Variants in MSANTD7 observed in about 807,000 individuals in gnomAD.
MSANTD7 encodes zinc finger and SCAN domain containing 29.
the MSANTD7 span, chr10:14,843,436 T>C: frequency 5.2e-6 from 8 of 1,550,688 alleles, no homozygotes; most frequent in East Asian, 1.7e-4. Context: ...AGTTGCTCCC[T>C]GTCAGAGCAG....
chr10:14,842,618 A>G, the MSANTD7 span: 12 of 1,536,056 alleles, frequency 7.8e-6, no homozygotes, highest in Non-Finnish European at 1.0e-5. This position sits in a 1 kb window ranked among gnomAD's most constrained non-coding sequence, Gnocchi z 5.2. Flanking sequence ...AGACAACTTA[A>G]TGGAGGATGC....
chr10:14,843,308 C>T, the MSANTD7 span: 12 of 1,540,012 alleles, frequency 7.8e-6, no homozygotes, highest in Non-Finnish European at 1.1e-5. Context: ...AGCTCTGCTG[C>T]TGGCTCCAAG....
chr10:14,845,299 A>C, the MSANTD7 span: 2 of 985,412 alleles, frequency 2.0e-6, no homozygotes, highest in Non-Finnish European at 2.4e-6. Context: ...AATAATCTAG[A>C]AGTTGGAAAA....
the MSANTD7 span, chr10:14,844,921 T>C: frequency 1.0e-6 from 1 of 985,332 alleles, no homozygotes; most frequent in Admixed American, 6.2e-5. Context: ...CCTAGAAACG[T>C]TTCCTTTTGA....
At chr10:14,845,576 C>CTTGCCCTT in the MSANTD7 span, 1 of 962,604 alleles carries the variant, frequency 1.0e-6, no homozygotes, top group Non-Finnish European at 1.2e-6. Context: ...AGACAAATCA[C>CTTGCCCTT]TTGCCCTTTT....
the MSANTD7 span, chr10:14,844,385 T>C: frequency 1.0e-6 from 1 of 998,102 alleles, no homozygotes; most frequent in Non-Finnish European, 1.2e-6. Flanking sequence ...TATGGATATA[T>C]ACTGTGACTT....
chr10:14,843,303 T>C, the MSANTD7 span: 6 of 1,537,856 alleles, frequency 3.9e-6, no homozygotes, highest in Non-Finnish European at 5.3e-6. Flanking sequence ...GTCTCAGCTC[T>C]GCTGCTGGCT....
chr10:14,842,955 T>C, the MSANTD7 span: 1 of 851,968 alleles, frequency 1.2e-6, no homozygotes, highest in South Asian at 1.8e-5. This position sits in a 1 kb window ranked among gnomAD's most constrained non-coding sequence, Gnocchi z 5.2. Context: ...TGTTTCTGCC[T>C]CATTCTGCCC....
At chr10:14,845,624 C>G in the MSANTD7 span, 1 of 798,672 alleles carries the variant, frequency 1.3e-6, no homozygotes, top group Non-Finnish European at 1.5e-6. Context: ...GAAAAAGTCT[C>G]ACTGTTTTGC....
chr10:14,845,470 A>G, the MSANTD7 span: 1 of 985,314 alleles, frequency 1.0e-6, no homozygotes, highest in African/African-American at 1.7e-5. Flanking sequence ...TGCTCTGCCA[A>G]GCCAGGGATG....
chr10:14,840,037 T>C, the MSANTD7 span: 8 of 1,317,662 alleles, frequency 6.1e-6, no homozygotes, highest in South Asian at 9.7e-5. Context: ...ATTACATACA[T>C]TGTAATATAT....
At chr10:14,844,093 G>T in the MSANTD7 span, 3 of 1,407,438 alleles carry the variant, frequency 2.1e-6, no homozygotes, top group African/African-American at 4.3e-5. Context: ...GAAATGCCAG[G>T]GGTGACCTAA....
At chr10:14,844,037 G>A in the MSANTD7 span, 1 of 1,441,282 alleles carries the variant, frequency 6.9e-7, no homozygotes, top group Non-Finnish European at 9.0e-7. Context: ...GAAAATAATT[G>A]CTAGTTCATT....
At chr10:14,838,845 C>T in the MSANTD7 span, among the ~76,000 whole-genome samples, 1 of 152,144 alleles carries the variant, frequency 6.6e-6, no homozygotes, top group East Asian at 1.9e-4. Context: ...GGGGAGGTCA[C>T]GGGGACGTCC....
At chr10:14,846,804 A>T in the MSANTD7 span, 1 of 985,442 alleles carries the variant, frequency 1.0e-6, no homozygotes, top group Non-Finnish European at 1.2e-6. Context: ...TGGGCTGTTG[A>T]CCGTAAGGGA....
the MSANTD7 span, among the ~76,000 whole-genome samples, chr10:14,840,347 G>A: frequency 6.6e-6 from 1 of 152,124 alleles, no homozygotes; most frequent in South Asian, 2.1e-4. Flanking sequence ...TCTGATATGG[G>A]ATTCACTCAG....
At chr10:14,844,330 T>C in the MSANTD7 span, 3 of 1,044,164 alleles carry the variant, frequency 2.9e-6, no homozygotes, top group South Asian at 3.2e-5. Context: ...TTAATTCATA[T>C]GGCCTTGGCT....
the MSANTD7 span, chr10:14,845,288 C>T: frequency 1.0e-6 from 1 of 985,286 alleles, no homozygotes; most frequent in Non-Finnish European, 1.2e-6. Context: ...AAAAGTTTTC[C>T]AATAATCTAG....
the MSANTD7 span, chr10:14,838,579 G>A: frequency 1.0e-6 from 1 of 992,220 alleles, no homozygotes; most frequent in South Asian, 1.6e-5. Context: ...GAGTGGCGTT[G>A]CCGCGAGGAC....
Sources: allele counts gnomAD v4.1 joint callset (sites outside exome capture counted in the v4.1 genomes callset), GRCh38; gene constraint gnomAD v4.1.1; non-coding constraint Gnocchi (gnomAD v3.1); transcripts MANE v1.5; gene names NCBI Gene and HGNC (gene_info 2026-07-23, HGNC 2026-07-21).